Variants in HMCN1 observed in about 807,000 individuals in gnomAD.
The protein encoded by HMCN1 is hemicentin 1.
A neutral mutation model predicts 625.9 loss-of-function variants in HMCN1; 321 were observed. The ratio of observed to expected loss-of-function variants is 0.51; its 90% CI spans 0.47 to 0.56. HMCN1 has a LOEUF of 0.56. Ranked by LOEUF, HMCN1 falls within the 20% of genes least tolerant of loss-of-function variation. The pLI is 0.00. For missense variants in HMCN1, 6,588 were observed against 6,887.3 expected, an observed-to-expected ratio of 0.96 and a Z score of 1.54; for synonymous variants, 2,425 against 2,417.6, an observed-to-expected ratio of 1.00 and a Z score of -0.09.
intron 1 of HMCN1, among the ~76,000 whole-genome samples, chr1:185,837,771 A>G (rs1661257469): frequency 6.6e-6 from 1 of 152,182 alleles, no homozygotes; most frequent in Non-Finnish European, 1.5e-5. Context: ...AATACAGTAA[A>G]TGGTTCCTCT....
intron 85 of HMCN1, among the ~76,000 whole-genome samples, chr1:186,131,856 CCTA>C (rs1661953164): frequency 6.6e-6 from 1 of 152,122 alleles, no homozygotes; most frequent in African/African-American, 2.4e-5. Context: ...CACTTTCTCT[CCTA>C]AATTTCAAAC....
chr1:185,767,614 T>G lies in HMCN1; in HGVS notation c.268+32567T>G, dbSNP rs181631721. 9.5e-4 allele frequency among the ~76,000 whole-genome samples: 144 copies of G among 152,236 alleles called. 1 individual carries two copies. The highest frequency in any genetic ancestry group is 3.4e-3 in the African/African-American group (141 of 41,538). The stretch of plus-strand genomic sequence containing the variant: ...TAAAACTTATAACTGAGGCTTAGTG[T>G]GTGGAAAGGAGAGAAGCACTGTGTT... On this transcript the variant is annotated intron_variant, in intron 1 of 106. Coordinates refer to ENST00000271588, the MANE Select transcript of HMCN1 (RefSeq NM_031935.3).
intron 30 of HMCN1, among the ~76,000 whole-genome samples, chr1:186,009,231 A>C (rs2102104109): frequency 6.6e-6 from 1 of 152,224 alleles, no homozygotes; most frequent in African/African-American, 2.4e-5. Context: ...TAAGACTCTT[A>C]TTTCCATGGG....
chr1:185,868,151 AAAC>A (rs568147274), intron 4 of HMCN1, among the ~76,000 whole-genome samples: 24 of 151,896 alleles, frequency 1.6e-4, no homozygotes, highest in African/African-American at 5.3e-4. Context: ...AGAGCCAGAA[AAAC>A]AACAACAACA....
intron 16 of HMCN1, among the ~76,000 whole-genome samples, chr1:185,980,660 A>C (rs1212530980): frequency 6.6e-6 from 1 of 152,192 alleles, no homozygotes; most frequent in Non-Finnish European, 1.5e-5. Flanking sequence ...TGATTTTTCT[A>C]GTCATGCTCT....
intron 40 of HMCN1, among the ~76,000 whole-genome samples, chr1:186,043,231 AC>A (rs1034803749): frequency 6.6e-6 from 1 of 152,140 alleles, no homozygotes; most frequent in Admixed American, 6.6e-5. Context: ...AAGCAACATA[AC>A]CACAAAGCAA....
At chr1:185,781,917 C>G (rs927573642) in intron 1 of HMCN1, among the ~76,000 whole-genome samples, 3 of 152,146 alleles carry the variant, frequency 2.0e-5, no homozygotes, top group Non-Finnish European at 4.4e-5. Context: ...AACTTTCTGT[C>G]TTGTAGATGT....
At chr1:185,960,767 G>C (rs1240179467) in intron 11 of HMCN1, among the ~76,000 whole-genome samples, 1 of 152,148 alleles carries the variant, frequency 6.6e-6, no homozygotes, top group Non-Finnish European at 1.5e-5. Context: ...AGCTAGACAC[G>C]AGAAGCATTT....
At chr1:185,925,223 C>T (rs1221787012) in intron 9 of HMCN1, 32 bp downstream of exon 9, 4 of 1,577,410 alleles carry the variant, frequency 2.5e-6, no homozygotes, top group Non-Finnish European at 3.5e-6. Context: ...TAATAAGATT[C>T]AGCATTTAAC....
At chr1:186,144,738 T>G (rs769392963) in intron 91 of HMCN1, 35 bp downstream of exon 91, 2 of 1,604,518 alleles carry the variant, frequency 1.2e-6, no homozygotes, top group South Asian at 2.2e-5. Context: ...ACATTATACT[T>G]TCATAAAGTT....
chr1:185,862,712 T>C (rs1662946892), intron 2 of HMCN1, among the ~76,000 whole-genome samples: 1 of 152,008 alleles, frequency 6.6e-6, no homozygotes, highest in African/African-American at 2.4e-5. Context: ...TGATAGGAGG[T>C]AGGAGATAAG....
At chr1:186,109,190 C>T (rs1015308145) in intron 71 of HMCN1, among the ~76,000 whole-genome samples, 2 of 152,164 alleles carry the variant, frequency 1.3e-5, no homozygotes, top group Non-Finnish European at 2.9e-5. Flanking sequence ...TTGGATTATC[C>T]TCATTATTTT....
At position 185,885,240 on chromosome 1, in the gene HMCN1, TC is replaced by T. The variant is rs1664565332; in HGVS notation, c.621+19378del. 2.6e-5 allele frequency among the ~76,000 whole-genome samples: 4 copies of T among 151,988 alleles called. No individual in the cohort carries two copies. In the South Asian group the frequency reaches 8.3e-4, roughly 32 times the overall value. ...AATGAAGATACATTACTAAGTTACT[TC>T]ATAAAGATACTGTACAGGAAAAATA... On this transcript the variant is annotated intron_variant, in intron 4 of 106. Transcript: ENST00000271588.
At chr1:185,887,500 TC>T (rs1050383121) in intron 4 of HMCN1, among the ~76,000 whole-genome samples, 2 of 149,064 alleles carry the variant, frequency 1.3e-5, no homozygotes, top group Admixed American at 1.3e-4. Flanking sequence ...ATTTTCCCCT[TC>T]CTGTGTCCAT....
At chr1:185,806,377 G>A (rs893157777) in intron 1 of HMCN1, among the ~76,000 whole-genome samples, 2 of 151,782 alleles carry the variant, frequency 1.3e-5, no homozygotes, top group Admixed American at 6.6e-5. Flanking sequence ...GCCCTAACAG[G>A]AAAGTTTTAT....
rs1174429480 is a variant in HMCN1, at chr1:186,137,652, A to G, written c.13737A>G (p.Gln4579=). The change falls in exon 88 of 107, where the codon CAA becomes CAG. Residue 4579 remains glutamine, a synonymous_variant. Transcript: ENST00000271588. The stretch of plus-strand genomic sequence containing the variant: ...CAGATTTGGAAATGCGAAACTGTCA[A>G]AATAAGCCTTGTCCAGGTACACCTC... ...QGSDLEMRNC[Q]NKPCPVDGSW... 3 of 1,613,936 alleles carry G rather than the reference A, an allele frequency of 1.9e-6. No individual in the cohort carries two copies. Among genetic ancestry groups the G allele is most frequent in the Non-Finnish European group, 2.5e-6 (3 of 1,179,976 alleles).
At chr1:186,089,136 T>C (rs1659697312) in intron 63 of HMCN1, among the ~76,000 whole-genome samples, 1 of 152,064 alleles carries the variant, frequency 6.6e-6, no homozygotes, top group Non-Finnish European at 1.5e-5. Flanking sequence ...GAAGTTGTAC[T>C]ATGATCTGAC....
At chr1:186,145,959 G>C (rs1047050947) in intron 93 of HMCN1, 36 bp downstream of exon 93, 1 of 1,605,008 alleles carries the variant, frequency 6.2e-7, no homozygotes, top group Middle Eastern at 1.7e-4. Context: ...AGCACATTTA[G>C]AGCCTTTGTG....
chr1:186,101,365 G>A (rs933508029), intron 68 of HMCN1, among the ~76,000 whole-genome samples: 1 of 152,084 alleles, frequency 6.6e-6, no homozygotes, highest in Non-Finnish European at 1.5e-5. Flanking sequence ...TCATCACTTA[G>A]ATGCAGAAAA....
Sources: allele counts gnomAD v4.1 joint callset (sites outside exome capture counted in the v4.1 genomes callset), GRCh38; gene constraint gnomAD v4.1.1; transcripts MANE v1.5; gene names NCBI Gene and HGNC (gene_info 2026-07-23, HGNC 2026-07-21).